Variants in KLHL31 observed in about 807,000 individuals in gnomAD.
The protein encoded by KLHL31 is kelch-like protein 31.
KLHL31 carries 32 observed loss-of-function variants against 47.1 expected under a neutral mutation model. The ratio of observed to expected loss-of-function variants is 0.68; its 90% CI spans 0.51 to 0.91. KLHL31 has a LOEUF of 0.91. Ranked by LOEUF, KLHL31 falls within the 40% of genes least tolerant of loss-of-function variation. The pLI is 0.00. For missense variants in KLHL31, 797 were observed against 819.3 expected (o/e 0.97, Z 0.33); for synonymous variants, 330 against 325.1 (o/e 1.01, Z -0.16).
chr6:53,651,692 G>A lies in KLHL31; in HGVS notation c.1811C>T (p.Thr604Ile). 1.2e-6 allele frequency: 2 copies of A among 1,614,210 alleles called. No individual in the cohort carries two copies. The highest frequency in any genetic ancestry group is 1.7e-6 in the Non-Finnish European group (2 of 1,180,036). The stretch of plus-strand genomic sequence containing the variant: ...GAGGGTGCAGCAGGACACGCCGACA[G>A]TGGCCTCGGGTAGCTCGTCGTCCTC... Reference protein sequence around the residue: ...WTEDDELPEATVGVSCCTLSM... With the variant: ...WTEDDELPEAIVGVSCCTLSM... The change falls in exon 3 of 3, where the codon ACT (threonine) becomes ATT (isoleucine). Residue 604 changes from threonine (T) to isoleucine (I), a missense_variant. Coordinates refer to ENST00000370905, the MANE Select transcript of KLHL31 (RefSeq NM_001003760.5).
rs1057083871 is a variant in KLHL31 at position 53,648,307 on chromosome 6, G to A, written c.*3291C>T. On this transcript the variant is annotated 3_prime_UTR_variant, in exon 3 of 3. Transcript: ENST00000370905. ...TGTGCTGGAGAACATATTCATCAGC[G>A]GCTGGAATAGGGATGTAGTTCATTC... 3.3e-5 allele frequency: 5 copies of A among 152,056 alleles called. No homozygotes were observed. Among genetic ancestry groups the A allele is most frequent in the African/African-American group, 4.8e-5 (2 of 41,390 alleles). 9.4% of individuals were successfully genotyped at this position (152,056 alleles called of 1,614,324 possible).
At chr6:53,653,985 T>C (rs1764514996) in intron 2 of KLHL31, 116 bp downstream of exon 2, 1 of 779,326 alleles carries the variant, frequency 1.3e-6, no homozygotes. Flanking sequence ...ATTATTATTA[T>C]TTTTGATTTA....
rs1214244747 is a variant in KLHL31, at chr6:53,650,879, A to G, written c.*719T>C. ...ATGATTCATATCAATTACTTCATTG[A>G]GAGCATGATTTTATGGTAGAAAATA... is the stretch of plus-strand genomic sequence containing the variant. On this transcript the variant is annotated 3_prime_UTR_variant, in exon 3 of 3. Coordinates refer to ENST00000370905, the MANE Select transcript of KLHL31 (RefSeq NM_001003760.5). 6.6e-6 allele frequency: 1 copy of G among 152,224 alleles called. No individual in the cohort carries two copies. Among genetic ancestry groups the G allele is most frequent in the Non-Finnish European group, 1.5e-5 (1 of 68,044 alleles). 9.4% of individuals were successfully genotyped at this position (152,224 alleles called of 1,614,324 possible).
In KLHL31 at chr6:53,654,261, A is replaced by G; in HGVS notation, c.1012T>C (p.Tyr338His). The G allele has an allele frequency of 6.2e-7, 1 of 1,614,140 alleles. No individual in the cohort carries two copies. Among genetic ancestry groups the G allele is most frequent in the African/African-American group, 1.3e-5 (1 of 75,028 alleles). ...TEKSLSRDILYRDPENGWSKL... is the reference protein window; with the variant it reads ...TEKSLSRDILHRDPENGWSKL... ...CTCCATCCATTTTCAGGGTCTCTAT[A>G]CAAGATGTCTCTGCTAAGGGACTTC... is the stretch of plus-strand genomic sequence containing the variant. Residue 338 changes from tyrosine to histidine, a missense_variant, in exon 2 of 3, where the codon TAT becomes CAT. By Grantham distance (83) the Tyr-to-His change is moderately conservative. Transcript: ENST00000370905.
Position 53,649,984 on chromosome 6 carries a change from A to G in KLHL31, c.*1614T>C, listed in dbSNP as rs1171807822. ...AGAGATTGAACTTTTCATCGGGGTA[A>G]TGATATAAAATTGTTCCACAAAGTG... On this transcript the variant is annotated 3_prime_UTR_variant, in exon 3 of 3. Transcript: ENST00000370905. 6.6e-6 allele frequency: 1 copy of G among 152,192 alleles called. No individual in the cohort carries two copies. The highest frequency in any genetic ancestry group is 1.5e-5 in the Non-Finnish European group (1 of 68,008). The allele number at this position is 152,192 out of a possible 1,614,324, so 9.4% of individuals were successfully genotyped here.
At chr6:53,663,059 T>C (rs1257528652) in intron 1 of KLHL31, among the ~76,000 whole-genome samples, 3 of 152,054 alleles carry the variant, frequency 2.0e-5, no homozygotes, top group Non-Finnish European at 4.4e-5. Context: ...ATTTTACAAA[T>C]GAAGAAATTA....
chr6:53,655,848 C>T (rs1293552665), intron 1 of KLHL31, among the ~76,000 whole-genome samples: 2 of 152,050 alleles, frequency 1.3e-5, no homozygotes, highest in Non-Finnish European at 1.5e-5. Flanking sequence ...CTCAAGTGAT[C>T]TGCCCACCTC....
intron 1 of KLHL31, among the ~76,000 whole-genome samples, chr6:53,656,930 A>ATTTTTT (rs1287304141): frequency 2.4e-5 from 1 of 41,360 alleles, no homozygotes; most frequent in Non-Finnish European, 4.7e-5. Flanking sequence ...AGTATTTTTA[A>ATTTTTT]CTTTTTTTTT....
chr6:53,654,529 T>C lies in KLHL31; in HGVS notation c.744A>G (p.Val248=). The stretch of plus-strand genomic sequence containing the variant: ...TGCTCAAAAGATCTGCAGCGTATTT[T>C]ACTCTCTTTTGGTCAAATTCTAACC... ...MKWLEFDQKR[V]KYAADLLSNI... The change falls in exon 2 of 3, where the codon GTA becomes GTG. Residue 248 remains valine, a synonymous_variant. Transcript: ENST00000370905. 1 of 1,614,240 alleles carries C rather than the reference T, an allele frequency of 6.2e-7. No individual in the cohort carries two copies. Among genetic ancestry groups the C allele is most frequent in the Non-Finnish European group, 8.5e-7 (1 of 1,180,044 alleles).
intron 1 of KLHL31, among the ~76,000 whole-genome samples, chr6:53,658,184 C>T (rs1317432098): frequency 6.6e-6 from 1 of 152,050 alleles, no homozygotes; most frequent in Non-Finnish European, 1.5e-5. Context: ...CAAGACATGG[C>T]AAATGCAAAA....
Position 53,650,014 on chromosome 6 carries a change from A to G in KLHL31, c.*1584T>C, listed in dbSNP as rs1255911347. The G allele has an allele frequency of 6.6e-6, 1 of 152,224 alleles. No individual in the cohort carries two copies. The highest frequency in any genetic ancestry group is 1.5e-5 in the Non-Finnish European group (1 of 68,022). The allele number at this position is 152,224 out of a possible 1,614,324, so 9.4% of individuals were successfully genotyped here. A position where few individuals can be genotyped will look rare whatever the true frequency, so the allele number is the denominator to read the frequency against. ...ATAAAATTGTTCCACAAAGTGTACT[A>G]TATGAACCACTTTTCACAGTTCAAA... On this transcript the variant is annotated 3_prime_UTR_variant, in exon 3 of 3. Transcript: ENST00000370905.
At chr6:53,657,040 C>T (rs774795623) in intron 1 of KLHL31, among the ~76,000 whole-genome samples, 1 of 148,324 alleles carries the variant, frequency 6.7e-6, no homozygotes, top group Non-Finnish European at 1.5e-5. Context: ...TCAAGCAGTC[C>T]TCCCACCTCA....
In KLHL31 at chr6:53,657,610, TTGTGTGTGTGTGTGTGTG is replaced by T. The variant is rs57566339; in HGVS notation, c.-33-2323_-33-2306del. ...TGGTTTACAATTTTTTGTTTTTGTT[TTGTGTGTGTGTGTGTGTG>T]TGTGTGTGTGTGTGTGTGTGTGTGT... On this transcript the variant is annotated intron_variant, in intron 1 of 2. Coordinates refer to ENST00000370905, the MANE Select transcript of KLHL31 (RefSeq NM_001003760.5). Among the ~76,000 whole-genome samples the T allele has an allele frequency of 9.6e-4, 133 of 138,806 alleles. 1 individual carries two copies. In the East Asian group the frequency reaches 0.011, roughly 11 times the overall value. The allele number at this position is 138,806 out of a possible 152,430, so 91.1% of individuals were successfully genotyped here. A position where few individuals can be genotyped will look rare whatever the true frequency, so the allele number is the denominator to read the frequency against.
At position 53,651,399 on chromosome 6, in the gene KLHL31, TAAAAAAAAAAA is replaced by T. The variant is rs759076475; in HGVS notation, c.*188_*198del. ...TGTTGGCCATTGCCCTGTATTTTGC[TAAAAAAAAAAA>T]AAAAAAAAAGAGGTAGATTATGCCA... On this transcript the variant is annotated 3_prime_UTR_variant, in exon 3 of 3. Transcript: ENST00000370905. The T allele has an allele frequency of 1.6e-4, 11 of 67,476 alleles. 3 individuals carry two copies. In the Admixed American group the frequency reaches 1.9e-3, roughly 12 times the overall value. The allele number at this position is 67,476 out of a possible 1,614,324, so 4.2% of individuals were successfully genotyped here.
chr6:53,659,608 T>C (rs1326242084), intron 1 of KLHL31, among the ~76,000 whole-genome samples: 1 of 151,964 alleles, frequency 6.6e-6, no homozygotes, highest in African/African-American at 2.4e-5. Flanking sequence ...TTATTAGAAG[T>C]AGAGGAAATG....
In KLHL31 at chr6:53,652,300, G is replaced by T; in HGVS notation, c.1203C>A (p.His401Gln). The change falls in exon 3 of 3, where the codon CAC becomes CAA. Residue 401 changes from histidine to glutamine, a missense_variant. Transcript: ENST00000370905. ...RYDPRFNTWIHLASMNQKRTH... is the reference protein window; with the variant it reads ...RYDPRFNTWIQLASMNQKRTH... ...TGCGCTTCTGGTTCATGCTGGCCAGGTGTATCCAGGTGTTGAAGCGGGGAT... is the reference window on the plus strand; with the variant it reads ...TGCGCTTCTGGTTCATGCTGGCCAGTTGTATCCAGGTGTTGAAGCGGGGAT... 1 of 1,614,138 alleles carries T rather than the reference G, an allele frequency of 6.2e-7. No homozygotes were observed. Among genetic ancestry groups the T allele is most frequent in the Non-Finnish European group, 8.5e-7 (1 of 1,180,040 alleles).
In KLHL31 at chr6:53,654,331, G is replaced by T; in HGVS notation, c.942C>A (p.Gly314=). The change falls in exon 2 of 3, where the codon GGC becomes GGA. Residue 314 remains glycine (G), a synonymous_variant. Transcript: ENST00000370905. ...LQSRRTRIRG[G]CRVLVTVGGR... is the part of the protein sequence containing the mutation. Reference sequence around the variant, plus strand: ...CCCCAACAGTGACGAGGACTCGGCAGCCACCTCGGATTCTTGTTCGCCTAG... The same window carrying T: ...CCCCAACAGTGACGAGGACTCGGCATCCACCTCGGATTCTTGTTCGCCTAG... 6.2e-7 allele frequency: 1 copy of T among 1,614,174 alleles called. No homozygotes were observed. The highest frequency in any genetic ancestry group is 8.5e-7 in the Non-Finnish European group (1 of 1,180,032).
At chr6:53,662,367 T>C (rs1392114698) in intron 1 of KLHL31, among the ~76,000 whole-genome samples, 1 of 152,244 alleles carries the variant, frequency 6.6e-6, no homozygotes, top group African/African-American at 2.4e-5. Context: ...GTAGGAATTC[T>C]GGAAGGAGGA....
chr6:53,662,599 C>A (rs1466743342), intron 1 of KLHL31, among the ~76,000 whole-genome samples: 1 of 152,168 alleles, frequency 6.6e-6, no homozygotes, highest in African/African-American at 2.4e-5. Context: ...TCTCCCTCTG[C>A]TGTATCTGCT....
Sources: allele counts gnomAD v4.1 joint callset (sites outside exome capture counted in the v4.1 genomes callset), GRCh38; gene constraint gnomAD v4.1.1; transcripts MANE v1.5; gene names NCBI Gene and HGNC (gene_info 2026-07-23, HGNC 2026-07-21).